SHROOM4: variants seen among roughly 807,000 people sequenced by gnomAD.
SHROOM4 encodes protein Shroom4.
Under a neutral mutation model 80.3 loss-of-function variants are expected in SHROOM4, and 17 were observed. The observed-to-expected ratio is 0.21, with a 90% confidence interval of 0.14 to 0.32. The LOEUF is 0.32. SHROOM4 is among the 10% of genes least tolerant of loss of function. The probability of loss-of-function intolerance (pLI) is 1.00; values close to 1 mark genes in which losing one functional copy is unlikely to be tolerated. For synonymous variants in SHROOM4, 400 were observed against 437.5 expected (o/e 0.91, Z 1.07); for missense variants, 993 against 1,140.3 (o/e 0.87, Z 1.86).
chrX:50,694,165 T>C (rs141174132), intron 2 of SHROOM4, among the ~76,000 whole-genome samples: 2,937 of 111,570 alleles, frequency 0.026, 111 homozygotes, highest in African/African-American at 0.09. Context: ...AGTGCTGCAA[T>C]AAACATGGGG....
At chrX:50,760,202 C>A (rs1935122381) in intron 1 of SHROOM4, among the ~76,000 whole-genome samples, 1 of 110,291 alleles carries the variant, frequency 9.1e-6, no homozygotes, top group South Asian at 3.8e-4. Flanking sequence ...ATCTTCAATT[C>A]TGTTAATTTT....
intron 5 of SHROOM4, among the ~76,000 whole-genome samples, chrX:50,620,056 T>C (rs1930510255): frequency 9.0e-6 from 1 of 111,625 alleles, no homozygotes; most frequent in African/African-American, 3.3e-5. Context: ...TTGTCTGTCA[T>C]TGGTACGGGG....
At chrX:50,651,068 C>T (rs782799971) in intron 2 of SHROOM4, among the ~76,000 whole-genome samples, 18 of 111,365 alleles carry the variant, frequency 1.6e-4, no homozygotes, top group Admixed American at 1.1e-3. Context: ...GTATCAAGGC[C>T]ATGCCCAGTG....
Position 50,736,857 on chromosome X carries a change from G to A in SHROOM4, c.118-40920C>T, listed in dbSNP as rs182870950. Among the ~76,000 whole-genome samples, 403 of 111,838 alleles carry A rather than the reference G, an allele frequency of 3.6e-3. 2 individuals are homozygous for A. Among genetic ancestry groups the A allele is most frequent in the Non-Finnish European group, 4.3e-3 (229 of 53,150 alleles). ...AATGGTTGAATTAGTTTACATTCCC[G>A]CCAACAGTATAAAAGCAATAAATCT... is the stretch of plus-strand genomic sequence containing the variant. On this transcript the variant is annotated intron_variant, in intron 1 of 8. Coordinates refer to ENST00000376020, the MANE Select transcript of SHROOM4 (RefSeq NM_020717.5).
chrX:50,606,395 A>T (rs1218058549), intron 6 of SHROOM4, among the ~76,000 whole-genome samples: 1 of 110,216 alleles, frequency 9.1e-6, no homozygotes, highest in South Asian at 4.0e-4. Context: ...TCTAACCGCA[A>T]CAAGTCTCAG....
In SHROOM4 at chrX:50,745,449, A is replaced by G. The variant is rs113761869; in HGVS notation, c.118-49512T>C. On this transcript the variant is annotated intron_variant, in intron 1 of 8. Transcript: ENST00000376020. ...GTCCTTGTCTGACAAAAACAAAAAA[A>G]CAAAAAAAAAACTGGGCCCTCGACT... 6.0e-3 allele frequency among the ~76,000 whole-genome samples: 657 copies of G among 110,259 alleles called. 9 individuals are homozygous for G. Among genetic ancestry groups the G allele is most frequent in the African/African-American group, 0.021 (623 of 30,283 alleles).
intron 1 of SHROOM4, among the ~76,000 whole-genome samples, chrX:50,700,012 A>T (rs973306562): frequency 8.9e-6 from 1 of 112,035 alleles, no homozygotes; most frequent in Non-Finnish European, 1.9e-5. Context: ...AGCAGCATTA[A>T]AAATCAGTGA....
Position 50,596,658 on chromosome X carries a change from G to C in SHROOM4, c.*37C>G, listed in dbSNP as rs1557246716. On this transcript the variant is annotated 3_prime_UTR_variant, in exon 9 of 9. Coordinates refer to ENST00000376020, the MANE Select transcript of SHROOM4 (RefSeq NM_020717.5). ...AGAAGATTGAAAGCACTTCCCACAT[G>C]GCTGGGCAGGGATGCTGTGGCAGAG... 1.7e-6 allele frequency: 2 copies of C among 1,204,337 alleles called. No homozygotes were observed. Among genetic ancestry groups the C allele is most frequent in the South Asian group, 3.5e-5 (2 of 56,892 alleles).
At chrX:50,716,542 T>C (rs1933959413) in intron 1 of SHROOM4, among the ~76,000 whole-genome samples, 1 of 111,940 alleles carries the variant, frequency 8.9e-6, no homozygotes, top group Non-Finnish European at 1.9e-5. Context: ...ACTTACCAAA[T>C]GTCTTCACAT....
chrX:50,639,886 T>A, intron 2 of SHROOM4, among the ~76,000 whole-genome samples: 1 of 112,050 alleles, frequency 8.9e-6, no homozygotes, highest in East Asian at 2.8e-4. Flanking sequence ...AAGCTGTTTG[T>A]CAAAGGCCAG....
At chrX:50,652,022 C>G (rs1214641612) in intron 2 of SHROOM4, among the ~76,000 whole-genome samples, 6 of 111,440 alleles carry the variant, frequency 5.4e-5, no homozygotes, top group African/African-American at 1.3e-4. Flanking sequence ...TTGCTATTGT[C>G]AGTAGTGCTA....
chrX:50,685,003 C>A (rs1321829129), intron 2 of SHROOM4, among the ~76,000 whole-genome samples: 1 of 111,762 alleles, frequency 8.9e-6, no homozygotes, highest in Non-Finnish European at 1.9e-5. Flanking sequence ...ATAGAGACCT[C>A]ATAACTCATG....
At chrX:50,699,970 C>T (rs782033125) in intron 1 of SHROOM4, among the ~76,000 whole-genome samples, 1 of 112,269 alleles carries the variant, frequency 8.9e-6, no homozygotes, top group Admixed American at 9.4e-5. Flanking sequence ...CAATAACTGA[C>T]AGGTACTGAA....
At chrX:50,795,156 T>TC (rs1557272010) in intron 1 of SHROOM4, among the ~76,000 whole-genome samples, 1 of 27,764 alleles carries the variant, frequency 3.6e-5, no homozygotes, top group African/African-American at 9.7e-5. Flanking sequence ...GATATATATA[T>TC]ATATATATAT....
In SHROOM4 at chrX:50,627,658, T is replaced by G. The variant is rs1345468720; in HGVS notation, c.2913A>C (p.Lys971Asn). The change falls in exon 5 of 9, where the codon AAA becomes AAC. Residue 971 changes from lysine to asparagine, a missense_variant. Coordinates refer to ENST00000376020, the MANE Select transcript of SHROOM4 (RefSeq NM_020717.5). ...TCCTGTTTCCTGTTATTGGATTCCA[T>G]TTGTCCCCAGGAAATTCCTGTAAAG... ...KLTVQEFPGD[K>N]WNPITGNRKT... 8.3e-7 allele frequency: 1 copy of G among 1,208,457 alleles called. No individual in the cohort carries two copies. The highest frequency in any genetic ancestry group is 1.1e-6 in the Non-Finnish European group (1 of 894,092).
chrX:50,757,440 C>A (rs1415631490), intron 1 of SHROOM4, among the ~76,000 whole-genome samples: 4 of 111,737 alleles, frequency 3.6e-5, no homozygotes, highest in South Asian at 7.4e-4. Flanking sequence ...CAAGTTTGAT[C>A]TTTTTAAAGA....
chrX:50,714,442 A>G (rs1557264646), intron 1 of SHROOM4, among the ~76,000 whole-genome samples: 1 of 111,885 alleles, frequency 8.9e-6, no homozygotes, highest in Non-Finnish European at 1.9e-5. Flanking sequence ...GATGTTACCA[A>G]CACAGAAATA....
intron 5 of SHROOM4, among the ~76,000 whole-genome samples, chrX:50,626,086 G>A (rs1026024477): frequency 6.3e-5 from 7 of 111,724 alleles, no homozygotes; most frequent in Non-Finnish European, 1.3e-4. Context: ...AAGAGAGAGA[G>A]GGAGTGAGGC....
In SHROOM4 at chrX:50,761,687, C is replaced by A. The variant is rs1026732854; in HGVS notation, c.117+52215G>T. On this transcript the variant is annotated intron_variant, in intron 1 of 8. Coordinates refer to ENST00000376020, the MANE Select transcript of SHROOM4 (RefSeq NM_020717.5). Reference sequence around the variant, plus strand: ...AAGCGATTCTCCTGCCTCAACCTCCCGAGTAGCTAGGACTACAGGCCTGCA... The same window carrying A: ...AAGCGATTCTCCTGCCTCAACCTCCAGAGTAGCTAGGACTACAGGCCTGCA... 3.8e-4 allele frequency among the ~76,000 whole-genome samples: 42 copies of A among 111,276 alleles called. No homozygotes were observed. The East Asian group carries it at 4.6e-3, about 12-fold the overall frequency.
Sources: allele counts gnomAD v4.1 joint callset (sites outside exome capture counted in the v4.1 genomes callset), GRCh38; gene constraint gnomAD v4.1.1; transcripts MANE v1.5; gene names NCBI Gene and HGNC (gene_info 2026-07-23, HGNC 2026-07-21).